Variants in B3GALT2 observed in about 807,000 individuals in gnomAD.
B3GALT2 encodes the protein beta-1,3-galactosyltransferase 2, also known as UDP-Gal:betaGlcNAc beta 1,3-galactosyltransferase, polypeptide 2.
A neutral mutation model predicts 33.5 loss-of-function variants in B3GALT2; 13 were observed. That is an observed-to-expected ratio of 0.39 (90% CI 0.25 to 0.62). The LOEUF (loss-of-function observed/expected upper bound fraction) is 0.62. B3GALT2 is among the 20% of genes least tolerant of loss of function. The probability of loss-of-function intolerance (pLI) is 0.53; values close to 1 mark genes in which losing one functional copy is unlikely to be tolerated. For synonymous variants in B3GALT2, 195 were observed against 172.7 expected, an observed-to-expected ratio of 1.13 and a Z score of -1.01; for missense variants, 418 against 509.1, an observed-to-expected ratio of 0.82 and a Z score of 1.72.
Position 193,180,484 on chromosome 1 carries a change from T to C in B3GALT2, c.1079A>G (p.Asn360Ser), listed in dbSNP as rs751884864. 1.9e-6 allele frequency: 3 copies of C among 1,613,992 alleles called. No individual in the cohort carries two copies. The highest frequency in any genetic ancestry group is 3.3e-5 in the Admixed American group (2 of 59,996). Reference sequence around the variant, plus strand: ...TCGCCAGTGATTGAACACAAACTCATTGGGAGGGGGTACAGGATCAATTCT... The same window carrying C: ...TCGCCAGTGATTGAACACAAACTCACTGGGAGGGGGTACAGGATCAATTCT... The part of the protein sequence containing the change: ...KLRIDPVPPP[N>S]EFVFNHWRVS... The change falls in exon 2 of 2, where the codon AAT (asparagine) becomes AGT (serine). Residue 360 changes from asparagine (N) to serine (S), a missense_variant. Transcript: ENST00000367434.
At position 193,180,851 on chromosome 1, in the gene B3GALT2, C is replaced by T; in HGVS notation, c.712G>A (p.Val238Ile). 6.2e-7 allele frequency: 1 copy of T among 1,613,762 alleles called. No individual in the cohort carries two copies. The highest frequency in any genetic ancestry group is 8.5e-7 in the Non-Finnish European group (1 of 1,179,906). The change falls in exon 2 of 2, where the codon GTT becomes ATT. Residue 238 changes from valine to isoleucine, a missense_variant. By Grantham distance (29) the Val-to-Ile change is conservative (BLOSUM62 3). This residue lies in a region of B3GALT2 where 226 missense variants were observed against 293.9 expected (regional missense o/e 0.77). Transcript: ENST00000367434. The part of the protein sequence containing the change: ...TIKTLMGMNW[V>I]ATYCPHIPYV... The stretch of plus-strand genomic sequence containing the variant: ...GGAATATGTGGACAGTATGTTGCAA[C>T]CCAGTTCATGCCCATTAGTGTTTTA...
intron 1 of B3GALT2, among the ~76,000 whole-genome samples, chr1:193,185,572 A>G (rs1212142222): frequency 1.3e-5 from 2 of 151,810 alleles, no homozygotes; most frequent in African/African-American, 2.4e-5. Flanking sequence ...TGAAAAAAAA[A>G]CTCTTAAGGT....
In B3GALT2 at chr1:193,180,750, C is replaced by T. The variant is rs1407874173; in HGVS notation, c.813G>A (p.Leu271=). The T allele has an allele frequency of 2.5e-6, 4 of 1,614,002 alleles. No homozygotes were observed. Among genetic ancestry groups the T allele is most frequent in the Admixed American group, 1.7e-5 (1 of 59,994 alleles). Residue 271 remains leucine, a synonymous_variant, in exon 2 of 2, where the codon CTG becomes CTA. Transcript: ENST00000367434. ...YLINKLLKPD[L]PPRHNYFTGY... is the part of the protein sequence containing the mutation. The stretch of plus-strand genomic sequence containing the variant: ...CAGTGAAATAGTTATGTCTGGGAGG[C>T]AGATCTGGCTTCAGTAACTTATTGA...
chr1:193,182,942 T>C (rs973062337), intron 1 of B3GALT2, among the ~76,000 whole-genome samples: 6 of 152,164 alleles, frequency 3.9e-5, no homozygotes, highest in African/African-American at 1.4e-4. Context: ...AAGAAATCAA[T>C]TAAAAAGTTT....
rs747647944 is a variant in B3GALT2, at chr1:193,181,008, G to C, written c.555C>G (p.Ile185Met). 2.5e-6 allele frequency: 4 copies of C among 1,613,638 alleles called. No homozygotes were observed. The highest frequency in any genetic ancestry group is 3.4e-6 in the Non-Finnish European group (4 of 1,179,946). Reference protein sequence around the residue: ...GNESLAPGIQITRIFLLGLSI... With the variant: ...GNESLAPGIQMTRIFLLGLSI... ...TTAAGCCCAACAAAAATATTCTTGT[G>C]ATTTGAATACCAGGTGCTAGACTTT... The change falls in exon 2 of 2, where the codon ATC (isoleucine) becomes ATG (methionine). Residue 185 changes from isoleucine (I) to methionine (M), a missense_variant. By Grantham distance (10) the Ile-to-Met change is conservative. Transcript: ENST00000367434.
intron 1 of B3GALT2, among the ~76,000 whole-genome samples, chr1:193,183,383 A>G (rs1220204707): frequency 1.3e-5 from 2 of 149,708 alleles, no homozygotes; most frequent in Middle Eastern, 6.8e-3. Context: ...GATGTGAACA[A>G]TTTTTTTAAG....
rs774804871 is a variant in B3GALT2 at position 193,181,405 on chromosome 1, G to A, written c.158C>T (p.Ala53Val). The stretch of plus-strand genomic sequence containing the variant: ...TGTCACAGGGTTTTCTTTGAATCCA[G>A]CTCTGCCTGGCAGCCAGTCATGATG... ...FNHHDWLPGR[A>V]GFKENPVTYT... The change falls in exon 2 of 2, where the codon GCT becomes GTT. Residue 53 changes from alanine to valine, a missense_variant. Coordinates refer to ENST00000367434, the MANE Select transcript of B3GALT2 (RefSeq NM_003783.3). 22 of 1,613,896 alleles carry A rather than the reference G, an allele frequency of 1.4e-5. No individual in the cohort carries two copies. In the Admixed American group the frequency reaches 3.7e-4, roughly 27 times the overall value.
At chr1:193,183,901 A>C (rs1033932089) in intron 1 of B3GALT2, among the ~76,000 whole-genome samples, 9 of 147,726 alleles carry the variant, frequency 6.1e-5, no homozygotes, top group African/African-American at 2.4e-4. Context: ...AGTAAACAAT[A>C]AGGTCAGATG....
rs768636884 is a variant in B3GALT2, at chr1:193,181,302, G to C, written c.261C>G (p.Val87=). The stretch of plus-strand genomic sequence containing the variant: ...CTGTTTGAGGCCTCAGGGTTTGAGG[G>C]ACTGTTTCTTTCCAAATGTTCCGAA... ...SSLRNIWKET[V]PQTLRPQTAT... The change falls in exon 2 of 2, where the codon GTC becomes GTG. Residue 87 remains valine, a synonymous_variant. Coordinates refer to ENST00000367434, the MANE Select transcript of B3GALT2 (RefSeq NM_003783.3). 6.2e-7 allele frequency: 1 copy of C among 1,613,950 alleles called. No individual in the cohort carries two copies. Among genetic ancestry groups the C allele is most frequent in the Non-Finnish European group, 8.5e-7 (1 of 1,179,972 alleles).
chr1:193,181,121 C>G lies in B3GALT2; in HGVS notation c.442G>C (p.Glu148Gln). The G allele has an allele frequency of 6.2e-7, 1 of 1,614,026 alleles. No homozygotes were observed. Among genetic ancestry groups the G allele is most frequent in the Non-Finnish European group, 8.5e-7 (1 of 1,179,936 alleles). Residue 148 changes from glutamate (E) to glutamine (Q), a missense_variant, in exon 2 of 2, where the codon GAG (glutamate) becomes CAG (glutamine). Around this residue, in one of 3 missense-constraint regions of B3GALT2, gnomAD observed 188 missense variants for 197.5 expected, o/e 0.95. Coordinates refer to ENST00000367434, the MANE Select transcript of B3GALT2 (RefSeq NM_003783.3). The stretch of plus-strand genomic sequence containing the variant: ...AGTAGTATTAAAAAAGGACTTTTCT[C>G]TTGGCATTTTTCAGGCTCATTAATA... ...YIINEPEKCQ[E>Q]KSPFLILLIA...
chr1:193,181,384 A>T lies in B3GALT2; in HGVS notation c.179T>A (p.Val60Glu). Residue 60 changes from valine (V) to glutamate (E), a missense_variant, in exon 2 of 2, where the codon GTG becomes GAG. Physicochemically the swap from Val to Glu is moderately radical, Grantham distance 121. Transcript: ENST00000367434. ...PGRAGFKENP[V>E]TYTFRGFRST... is the part of the protein sequence containing the mutation. ...CCGAAATCCTCGGAAAGTGTATGTCACAGGGTTTTCTTTGAATCCAGCTCT... is the reference window on the plus strand; with the variant it reads ...CCGAAATCCTCGGAAAGTGTATGTCTCAGGGTTTTCTTTGAATCCAGCTCT... 1.2e-6 allele frequency: 2 copies of T among 1,614,040 alleles called. No individual in the cohort carries two copies. Among genetic ancestry groups the T allele is most frequent in the Non-Finnish European group, 1.7e-6 (2 of 1,179,930 alleles).
chr1:193,185,576 T>C (rs1676792958), intron 1 of B3GALT2, among the ~76,000 whole-genome samples: 1 of 152,126 alleles, frequency 6.6e-6, no homozygotes, highest in Non-Finnish European at 1.5e-5. Flanking sequence ...AAAAAAACTC[T>C]TAAGGTTTTC....
intron 1 of B3GALT2, among the ~76,000 whole-genome samples, chr1:193,182,918 ACT>A (rs1328605022): frequency 2.6e-5 from 4 of 152,074 alleles, no homozygotes; most frequent in Non-Finnish European, 4.4e-5. Context: ...TATGAAAATT[ACT>A]TCTTTAAGCA....
chr1:193,181,686 T>A lies in B3GALT2; in HGVS notation c.-120-4A>T. 1 of 971,544 alleles carries A rather than the reference T, an allele frequency of 1.0e-6. No individual in the cohort carries two copies. 60.2% of individuals were successfully genotyped at this position (971,544 alleles called of 1,614,324 possible). On this transcript the variant is annotated splice_region_variant and splice_polypyrimidine_tract_variant and intron_variant, in intron 1 of 1. Coordinates refer to ENST00000367434, the MANE Select transcript of B3GALT2 (RefSeq NM_003783.3). ...CATTGTCTCTCTTGTAGTCATTCTA[T>A]AAAAATGAAGCACAAAAGTTTACAG...
At position 193,180,220 on chromosome 1, in the gene B3GALT2, G is replaced by T; in HGVS notation, c.*74C>A. ...AGTTTTAACTAAAACTTGTCCTACG[G>T]ATGTAATCAGTTCTAACTATACATG... is the stretch of plus-strand genomic sequence containing the variant. On this transcript the variant is annotated 3_prime_UTR_variant, in exon 2 of 2. Coordinates refer to ENST00000367434, the MANE Select transcript of B3GALT2 (RefSeq NM_003783.3). 3 of 1,300,848 alleles carry T rather than the reference G, an allele frequency of 2.3e-6. No homozygotes were observed. Among genetic ancestry groups the T allele is most frequent in the Non-Finnish European group, 2.1e-6 (2 of 967,264 alleles). The allele number at this position is 1,300,848 out of a possible 1,614,324, so 80.6% of individuals were successfully genotyped here.
rs1676687107 is a variant in B3GALT2, at chr1:193,180,134, G to T, written c.*160C>A. ...ACCTTTTTTGTTATATAATGTTATA[G>T]TTTTAAGAATTAACTTCTTCAGAAA... is the stretch of plus-strand genomic sequence containing the variant. On this transcript the variant is annotated 3_prime_UTR_variant, in exon 2 of 2. Coordinates refer to ENST00000367434, the MANE Select transcript of B3GALT2 (RefSeq NM_003783.3). The T allele has an allele frequency of 3.2e-6, 2 of 628,424 alleles. No individual in the cohort carries two copies. Among genetic ancestry groups the T allele is most frequent in the South Asian group, 3.7e-5 (1 of 26,940 alleles). 38.9% of individuals were successfully genotyped at this position (628,424 alleles called of 1,614,324 possible).
chr1:193,182,799 G>C (rs918109398), intron 1 of B3GALT2, among the ~76,000 whole-genome samples: 1 of 151,996 alleles, frequency 6.6e-6, no homozygotes, highest in African/African-American at 2.4e-5. Flanking sequence ...CCAATATGTC[G>C]AGGGAGTAGA....
At position 193,180,794 on chromosome 1, in the gene B3GALT2, CA is replaced by C; in HGVS notation, c.768del (p.Phe256LeufsTer7). ...PYVMKTDSDMFVNTEYLINKL... is the reference protein window; with the variant it reads ...PYVMKTDSDMXVNTEYLINKL... ...TTATTGATTAAATATTCAGTGTTGA[CA>C]AACATGTCACTGTCAGTTTTCATAA... On this transcript the variant is annotated frameshift_variant, in exon 2 of 2. Coordinates refer to ENST00000367434, the MANE Select transcript of B3GALT2 (RefSeq NM_003783.3). LOFTEE classifies it high-confidence loss of function. 1 of 1,614,074 alleles carries C rather than the reference CA, an allele frequency of 6.2e-7. No individual in the cohort carries two copies. The highest frequency in any genetic ancestry group is 8.5e-7 in the Non-Finnish European group (1 of 1,179,956).
At position 193,181,518 on chromosome 1, in the gene B3GALT2, G is replaced by C; in HGVS notation, c.45C>G (p.Thr15=). Reference sequence around the variant, plus strand: ...GGAACAGAGACCTTTTGGCATTCCAGGTCATCTTTGCAAAGCAGCAGTGTC... The same window carrying C: ...GGAACAGAGACCTTTTGGCATTCCACGTCATCTTTGCAAAGCAGCAGTGTC... The part of the protein sequence containing the change: ...RRRHCCFAKM[T]WNAKRSLFRT... Residue 15 remains threonine, a synonymous_variant, in exon 2 of 2, where the codon ACC becomes ACG. Coordinates refer to ENST00000367434, the MANE Select transcript of B3GALT2 (RefSeq NM_003783.3). 1 of 1,609,022 alleles carries C rather than the reference G, an allele frequency of 6.2e-7. No individual in the cohort carries two copies.
Sources: gnomAD v4.1 joint callset for allele counts (sites outside exome capture counted in the v4.1 genomes callset) on GRCh38, gnomAD v4.1.1 for gene constraint, gnomAD v4.1.1 regional missense constraint, MANE v1.5 for transcripts, NCBI Gene and HGNC (gene_info 2026-07-23, HGNC 2026-07-21) for gene names.